Variants in ZNF248 observed in about 807,000 individuals in gnomAD.
ZNF248 encodes KRAB protein domain.
ZNF248 carries 20 observed loss-of-function variants against 44.3 expected under a neutral mutation model. The ratio of observed to expected loss-of-function variants is 0.45; its 90% CI spans 0.32 to 0.66. ZNF248 has a LOEUF of 0.66. Ranked by LOEUF, ZNF248 falls within the 30% of genes least tolerant of loss-of-function variation. The probability of loss-of-function intolerance (pLI) is 0.04; values close to 1 mark genes in which losing one functional copy is unlikely to be tolerated. For missense variants in ZNF248, 654 were observed against 677.0 expected, an observed-to-expected ratio of 0.97 and a Z score of 0.38; for synonymous variants, 224 against 229.0, an observed-to-expected ratio of 0.98 and a Z score of 0.20.
chr10:37,815,992 A>G (rs79305200), intron 6 of ZNF248, among the ~76,000 whole-genome samples: 2 of 52,100 alleles, frequency 3.8e-5, no homozygotes, highest in African/African-American at 8.0e-5. Context: ...CCGATAATGG[A>G]AAAAAAAAAA....
chr10:37,823,636 C>T lies in ZNF248; in HGVS notation c.330+9389G>A, dbSNP rs184924158. On this transcript the variant is annotated intron_variant, in intron 6 of 6. Transcript: ENST00000615949. Reference sequence around the variant, plus strand: ...TTGCCCAGGCTGGAGGGCAGAGGCACGATCTCGGCTCACTGCAACCTCCAT... The same window carrying T: ...TTGCCCAGGCTGGAGGGCAGAGGCATGATCTCGGCTCACTGCAACCTCCAT... 2.2e-3 allele frequency among the ~76,000 whole-genome samples: 328 copies of T among 152,014 alleles called. 1 individual carries two copies. Among genetic ancestry groups the T allele is most frequent in the African/African-American group, 6.9e-3 (287 of 41,468 alleles).
downstream of ZNF248, among the ~76,000 whole-genome samples, chr10:37,771,903 A>T (rs1218868849): frequency 6.6e-6 from 1 of 152,152 alleles, no homozygotes; most frequent in Admixed American, 6.5e-5. Context: ...CAAATCACAA[A>T]GCATGTAATT....
chr10:37,832,177 G>A lies in ZNF248; in HGVS notation c.1178C>T (p.Ser393Leu), dbSNP rs1375753105. The stretch of plus-strand genomic sequence containing the variant: ...TGTTCTCTGATGTTGAGTGAGGTTT[G>A]ACTTCTCCCAGAAGGTTTTCCCACA... ...GECGKTFWEK[S>L]NLTQHQRTHT... Residue 393 changes from serine to leucine, a missense_variant, in exon 6 of 6, where the codon TCA (serine) becomes TTA (leucine). Ser to Leu is a moderately radical substitution (Grantham distance 145). Coordinates refer to ENST00000395867, the MANE Select transcript of ZNF248 (RefSeq NM_021045.3). 4.3e-6 allele frequency: 7 copies of A among 1,614,078 alleles called. No individual in the cohort carries two copies. Among genetic ancestry groups the A allele is most frequent in the Non-Finnish European group, 5.9e-6 (7 of 1,179,968 alleles).
chr10:37,797,902 T>C (rs2049341100), intron 6 of ZNF248, among the ~76,000 whole-genome samples: 1 of 152,152 alleles, frequency 6.6e-6, no homozygotes, highest in Non-Finnish European at 1.5e-5. Context: ...AGTTTGGTAG[T>C]TCCTCAAAAA....
chr10:37,792,241 G>A, intron 6 of ZNF248, among the ~76,000 whole-genome samples: 1 of 152,208 alleles, frequency 6.6e-6, no homozygotes, highest in East Asian at 1.9e-4. Context: ...AGACATGTAA[G>A]ACTGCCAGGG....
chr10:37,841,448 C>CAA (rs367552739), intron 3 of ZNF248, among the ~76,000 whole-genome samples: 1 of 102,780 alleles, frequency 9.7e-6, no homozygotes, highest in Non-Finnish European at 2.1e-5. Context: ...AATTGTCTAC[C>CAA]AAAAAAAAAA....
chr10:37,799,419 C>T (rs35951606), intron 6 of ZNF248, among the ~76,000 whole-genome samples: 16,525 of 152,058 alleles, frequency 0.11, 1,160 homozygotes, highest in Admixed American at 0.19. Flanking sequence ...ATTAGTTGAG[C>T]GTGATTGCGC....
intron 3 of ZNF248, 119 bp downstream of exon 3, chr10:37,856,177 T>C: frequency 8.5e-7 from 1 of 1,181,704 alleles, no homozygotes; most frequent in South Asian, 1.6e-5. Context: ...ACTTCAGTTT[T>C]ATTTCCCTTA....
chr10:37,805,606 C>T (rs1031047186), intron 6 of ZNF248, among the ~76,000 whole-genome samples: 4 of 152,120 alleles, frequency 2.6e-5, no homozygotes, highest in South Asian at 2.1e-4. Context: ...ATTTACAAAT[C>T]GCTGTTCGCT....
the ZNF248 span, among the ~76,000 whole-genome samples, chr10:37,769,783 CAGG>C: frequency 1.3e-5 from 2 of 152,208 alleles, no homozygotes; most frequent in Admixed American, 1.3e-4. Flanking sequence ...GGCAATTAGG[CAGG>C]AGAAGAAAAT....
the ZNF248 span, among the ~76,000 whole-genome samples, chr10:37,770,668 C>T: frequency 1.3e-5 from 2 of 152,198 alleles, no homozygotes; most frequent in South Asian, 2.1e-4. Flanking sequence ...CCATAAAAAC[C>T]CTAGAAGAAA....
chr10:37,833,263 C>A, intron 5 of ZNF248, 147 bp from the exon 6 acceptor site: 8 of 1,218,190 alleles, frequency 6.6e-6, no homozygotes, highest in Non-Finnish European at 7.5e-6. Flanking sequence ...TGTACATTTT[C>A]TTTACCCTCC....
intron 6 of ZNF248, among the ~76,000 whole-genome samples, chr10:37,804,480 C>A (rs1277568841): frequency 6.6e-6 from 1 of 152,174 alleles, no homozygotes; most frequent in South Asian, 2.1e-4. Context: ...GTCACCCAGA[C>A]TGGAGTGCAG....
At chr10:37,840,046 T>C (rs1184514368) in intron 3 of ZNF248, among the ~76,000 whole-genome samples, 1 of 152,132 alleles carries the variant, frequency 6.6e-6, no homozygotes, top group African/African-American at 2.4e-5. Context: ...ATCCTCCAAA[T>C]ACCTGAAAGC....
chr10:37,770,622 C>G, the ZNF248 span, among the ~76,000 whole-genome samples: 3 of 152,104 alleles, frequency 2.0e-5, no homozygotes, highest in African/African-American at 7.2e-5. Context: ...AAAATTAATT[C>G]AAGATGGATT....
chr10:37,853,953 A>C (rs1484003146), intron 3 of ZNF248, among the ~76,000 whole-genome samples: 4 of 152,168 alleles, frequency 2.6e-5, no homozygotes, highest in Non-Finnish European at 5.9e-5. Context: ...AAGCCTACCC[A>C]CTCTCTAAAG....
intron 6 of ZNF248, chr10:37,783,782 T>C (rs529912315): frequency 3.3e-5 from 5 of 152,144 alleles, no homozygotes; most frequent in African/African-American, 1.2e-4. Context: ...ATAGCAATTA[T>C]ATACAATAGC....
chr10:37,818,306 A>G (rs1273186151), intron 6 of ZNF248, among the ~76,000 whole-genome samples: 1 of 152,160 alleles, frequency 6.6e-6, no homozygotes, highest in East Asian at 1.9e-4. Flanking sequence ...TTCACAGTAC[A>G]TGGAACCAGT....
At chr10:37,799,655 G>A (rs373482022) in intron 6 of ZNF248, among the ~76,000 whole-genome samples, 6 of 152,136 alleles carry the variant, frequency 3.9e-5, no homozygotes, top group South Asian at 2.1e-4. Flanking sequence ...AGTAAGACTC[G>A]TAAGAAGGGT....
Sources: allele counts gnomAD v4.1 joint callset (sites outside exome capture counted in the v4.1 genomes callset), GRCh38; gene constraint gnomAD v4.1.1; transcripts MANE v1.5; gene names NCBI Gene and HGNC (gene_info 2026-07-23, HGNC 2026-07-21).